The following NKAIN2 variants were observed in gnomAD, a reference collection of about 807,000 sequenced individuals.
NKAIN2 encodes the protein sodium/potassium-transporting ATPase subunit beta-1-interacting protein 2.
In NKAIN2, 14 loss-of-function variants were observed where a neutral mutation model predicts 32.6. The ratio of observed to expected loss-of-function variants is 0.43; its 90% confidence interval spans 0.28 to 0.67. The LOEUF (loss-of-function observed/expected upper bound fraction) is 0.67, where lower values mean the gene tolerates loss of function less well. NKAIN2 is among the 30% of genes least tolerant of loss of function. The probability of loss-of-function intolerance (pLI) is 0.17; values close to 1 mark genes in which losing one functional copy is unlikely to be tolerated. For synonymous variants in NKAIN2, 80 were observed against 87.2 expected, an observed-to-expected ratio of 0.92 and a Z score of 0.46; for missense variants, 198 against 258.3, an observed-to-expected ratio of 0.77 and a Z score of 1.60.
chr6:124,498,236 T>C (rs766604695), intron 3 of NKAIN2, among the ~76,000 whole-genome samples: 8 of 152,156 alleles, frequency 5.3e-5, no homozygotes, highest in Admixed American at 1.3e-4. Flanking sequence ...GTGGAAAGAT[T>C]GGCAGGGGGC....
At chr6:124,054,567 T>C (rs937604644) in intron 1 of NKAIN2, among the ~76,000 whole-genome samples, 1 of 151,994 alleles carries the variant, frequency 6.6e-6, no homozygotes, top group Non-Finnish European at 1.5e-5. Context: ...GCTAGGGAAA[T>C]AGCACTTCCA....
intron 4 of NKAIN2, among the ~76,000 whole-genome samples, chr6:124,749,194 G>T (rs919673851): frequency 6.6e-6 from 1 of 151,936 alleles, no homozygotes; most frequent in African/African-American, 2.4e-5. Context: ...CCTCCATCCT[G>T]AAATCCAGCA....
At chr6:124,599,342 G>A (rs948730753) in intron 3 of NKAIN2, among the ~76,000 whole-genome samples, 1 of 152,006 alleles carries the variant, frequency 6.6e-6, no homozygotes, top group East Asian at 1.9e-4. Context: ...GAGATCCTCT[G>A]TTTAAAAAAA....
intron 1 of NKAIN2, among the ~76,000 whole-genome samples, chr6:124,249,927 A>C (rs1793618105): frequency 6.6e-6 from 1 of 152,174 alleles, no homozygotes; most frequent in Non-Finnish European, 1.5e-5. Context: ...AGAAGATAGC[A>C]AGGAAACTTT....
chr6:124,210,741 A>T (rs1320647615), intron 1 of NKAIN2, among the ~76,000 whole-genome samples: 1 of 151,078 alleles, frequency 6.6e-6, no homozygotes, highest in Non-Finnish European at 1.5e-5. Context: ...GTTTTTTTTC[A>T]GATTGACCAC....
chr6:124,339,570 CTCA>C (rs1798033631), intron 2 of NKAIN2, among the ~76,000 whole-genome samples: 1 of 152,236 alleles, frequency 6.6e-6, no homozygotes, highest in Admixed American at 6.5e-5. Flanking sequence ...CTGCTCTATC[CTCA>C]TCATCAATTT....
intron 3 of NKAIN2, among the ~76,000 whole-genome samples, chr6:124,410,551 G>C (rs981158542): frequency 2.0e-5 from 3 of 152,172 alleles, no homozygotes; most frequent in African/African-American, 7.2e-5. Flanking sequence ...TTGCACTGTG[G>C]TCTGAGAGAC....
rs12200364 is a variant in NKAIN2, at chr6:124,523,156, G to A, written c.274-135030G>A. Among the ~76,000 whole-genome samples, 22 of 140,954 alleles carry A rather than the reference G, an allele frequency of 1.6e-4. 3 individuals carry two copies. Among genetic ancestry groups the A allele is most frequent in the East Asian group, 8.5e-4 (4 of 4,732 alleles). The allele number at this position is 140,954 out of a possible 152,430, so 92.5% of individuals were successfully genotyped here. A position where few individuals can be genotyped will look rare whatever the true frequency, so the allele number is the denominator to read the frequency against. On this transcript the variant is annotated intron_variant, in intron 3 of 6. Coordinates refer to ENST00000368417, the MANE Select transcript of NKAIN2 (RefSeq NM_001040214.3). ...AGACTCCGTCTCAAAAAAAAAAAAA[G>A]AAAAAAGATCTTTAACTGAATTTTT...
intron 3 of NKAIN2, among the ~76,000 whole-genome samples, chr6:124,620,408 G>A (rs1012820086): frequency 6.6e-6 from 1 of 152,160 alleles, no homozygotes; most frequent in African/African-American, 2.4e-5. Context: ...GAGAAAAACT[G>A]AAGCTCACAC....
intron 1 of NKAIN2, among the ~76,000 whole-genome samples, chr6:123,953,487 G>A (rs1777419338): frequency 6.6e-6 from 1 of 152,170 alleles, no homozygotes; most frequent in Admixed American, 6.5e-5. Context: ...TGGGTCCCAA[G>A]TGGTCCATGG....
At chr6:124,567,390 T>C (rs1299238447) in intron 3 of NKAIN2, among the ~76,000 whole-genome samples, 1 of 152,196 alleles carries the variant, frequency 6.6e-6, no homozygotes, top group African/African-American at 2.4e-5. Flanking sequence ...AAACAAACGA[T>C]TTCCATTTTT....
chr6:124,203,775 C>G (rs1485078575), intron 1 of NKAIN2, among the ~76,000 whole-genome samples: 1 of 151,752 alleles, frequency 6.6e-6, no homozygotes, highest in African/African-American at 2.4e-5. Context: ...CAAATTATAT[C>G]TACCCACAAT....
chr6:124,592,061 T>C (rs185325209), intron 3 of NKAIN2, among the ~76,000 whole-genome samples: 6 of 152,318 alleles, frequency 3.9e-5, no homozygotes, highest in African/African-American at 1.4e-4. Flanking sequence ...ACCAACTTTT[T>C]TTCTGCAGAG....
intron 3 of NKAIN2, among the ~76,000 whole-genome samples, chr6:124,361,897 A>G (rs62434743): frequency 0.024 from 3,650 of 152,252 alleles, 91 homozygotes; most frequent in Non-Finnish European, 0.034. Context: ...TGAATAATTC[A>G]TTTAGAAAGA....
At chr6:124,725,288 G>A (rs967431234) in intron 4 of NKAIN2, among the ~76,000 whole-genome samples, 5 of 151,980 alleles carry the variant, frequency 3.3e-5, no homozygotes, top group Non-Finnish European at 7.4e-5. Context: ...ACATAAGCTG[G>A]AGTGCAGTGT....
intron 4 of NKAIN2, among the ~76,000 whole-genome samples, chr6:124,731,988 G>A (rs1470755869): frequency 6.6e-6 from 1 of 151,982 alleles, no homozygotes; most frequent in Non-Finnish European, 1.5e-5. Flanking sequence ...ATAATAAATG[G>A]ATCTCAGGCA....
At chr6:124,533,471 C>CAAAAAA (rs201100605) in intron 3 of NKAIN2, among the ~76,000 whole-genome samples, 5,782 of 58,834 alleles carry the variant, frequency 0.098, 1,448 homozygotes, top group African/African-American at 0.36. Flanking sequence ...GACTCTGTCT[C>CAAAAAA]AAAAAAAAAA....
At chr6:124,680,829 G>A (rs1247330964) in intron 4 of NKAIN2, among the ~76,000 whole-genome samples, 1 of 151,760 alleles carries the variant, frequency 6.6e-6, no homozygotes, top group Non-Finnish European at 1.5e-5. Context: ...TCCCTTAAAT[G>A]TTCAATGAGA....
At chr6:124,181,862 G>A (rs1199204855) in intron 1 of NKAIN2, among the ~76,000 whole-genome samples, 5 of 152,108 alleles carry the variant, frequency 3.3e-5, no homozygotes, top group African/African-American at 9.7e-5. Context: ...ACATCTTTGT[G>A]TCTTCTTCTG....
Sources: gnomAD v4.1 joint callset for allele counts (sites outside exome capture counted in the v4.1 genomes callset) on GRCh38, gnomAD v4.1.1 for gene constraint, MANE v1.5 for transcripts, NCBI Gene and HGNC (gene_info 2026-07-23, HGNC 2026-07-21) for gene names.